ARFGAP3: variants seen among roughly 807,000 people sequenced by gnomAD.
The protein encoded by ARFGAP3 is ARF GTPase activating protein 3.
ARFGAP3 carries 72 observed loss-of-function variants against 75.0 expected under a neutral mutation model. That is an observed-to-expected ratio of 0.96 (90% CI 0.79 to 1.17). The LOEUF is 1.17. ARFGAP3 is among the 50% of genes most tolerant of loss of function. The probability of loss-of-function intolerance (pLI) is 0.00; values close to 1 mark genes in which losing one functional copy is unlikely to be tolerated. For missense variants in ARFGAP3, 620 were observed against 626.6 expected, an observed-to-expected ratio of 0.99 and a Z score of 0.11; for synonymous variants, 221 against 217.9, an observed-to-expected ratio of 1.01 and a Z score of -0.13.
At chr22:42,833,633 G>C (rs1268432909) in intron 5 of ARFGAP3, among the ~76,000 whole-genome samples, 1 of 152,188 alleles carries the variant, frequency 6.6e-6, no homozygotes, top group African/African-American at 2.4e-5. Context: ...GCGTGCACCT[G>C]TTGTCCCAGC....
intron 2 of ARFGAP3, among the ~76,000 whole-genome samples, chr22:42,845,038 C>T (rs1274051173): frequency 6.6e-6 from 1 of 152,098 alleles, no homozygotes; most frequent in African/African-American, 2.4e-5. Flanking sequence ...CCTGGAATGG[C>T]TTAAACTGGA....
At chr22:42,803,900 CTTTTTTTT>C (rs11289963) in intron 14 of ARFGAP3, among the ~76,000 whole-genome samples, 1 of 119,696 alleles carries the variant, frequency 8.4e-6, no homozygotes, top group African/African-American at 3.6e-5. Flanking sequence ...CCTCCTTCCT[CTTTTTTTT>C]TTTTTTTTTT....
At chr22:42,846,710 G>A (rs989461507) in intron 2 of ARFGAP3, among the ~76,000 whole-genome samples, 12 of 152,202 alleles carry the variant, frequency 7.9e-5, no homozygotes, top group African/African-American at 2.9e-4. Context: ...CTGATACAAG[G>A]AGAGTGTCTC....
At chr22:42,839,435 C>T (rs1229097947) in intron 3 of ARFGAP3, among the ~76,000 whole-genome samples, 1 of 151,624 alleles carries the variant, frequency 6.6e-6, no homozygotes, top group Non-Finnish European at 1.5e-5. Flanking sequence ...CTCGTCTCTA[C>T]TAAAAATACC....
chr22:42,811,885 A>G (rs2146535508), intron 11 of ARFGAP3, among the ~76,000 whole-genome samples: 1 of 152,194 alleles, frequency 6.6e-6, no homozygotes, highest in African/African-American at 2.4e-5. Flanking sequence ...AGAAAAAGTG[A>G]CCATCAACCA....
chr22:42,847,042 C>T (rs1927051599), intron 2 of ARFGAP3, among the ~76,000 whole-genome samples: 1 of 152,228 alleles, frequency 6.6e-6, no homozygotes, highest in Admixed American at 6.5e-5. Context: ...TCAGGTCTCT[C>T]CTCCTTTTCC....
intron 3 of ARFGAP3, among the ~76,000 whole-genome samples, chr22:42,838,966 T>C (rs555581884): frequency 5.3e-5 from 8 of 151,162 alleles, no homozygotes; most frequent in Admixed American, 1.3e-4. Flanking sequence ...AAAAATTAGC[T>C]GGGTGTGGTG....
rs1227219668 is a variant in ARFGAP3, at chr22:42,842,239, A to G, written c.189-1223T>C. ...AGGTTGGTCTCAAACTCCCGACCTT[A>G]GGTGATCCACCCACCTTGGCCTCCC... On this transcript the variant is annotated intron_variant, in intron 2 of 15. Coordinates refer to ENST00000263245, the MANE Select transcript of ARFGAP3 (RefSeq NM_014570.5). Among the ~76,000 whole-genome samples the G allele has an allele frequency of 1.3e-5, 2 of 149,432 alleles. 1 individual carries two copies. Among genetic ancestry groups the G allele is most frequent in the South Asian group, 4.3e-4 (2 of 4,692 alleles).
At position 42,836,197 on chromosome 22, in the gene ARFGAP3, G is replaced by C. The variant is rs186411678; in HGVS notation, c.262-704C>G. Among the ~76,000 whole-genome samples the C allele has an allele frequency of 4.6e-5, 7 of 152,100 alleles. No individual in the cohort carries two copies. The East Asian group carries it at 1.4e-3, about 29-fold the overall frequency. ...GGGGTCTTGTTATGTTGCTAGTCTT[G>C]AACTCCTGAGCTCAAGGAATCCACT... On this transcript the variant is annotated intron_variant, in intron 3 of 15. Coordinates refer to ENST00000263245, the MANE Select transcript of ARFGAP3 (RefSeq NM_014570.5).
At chr22:42,847,274 C>T in intron 2 of ARFGAP3, 1 of 381,362 alleles carries the variant, frequency 2.6e-6, no homozygotes, top group African/African-American at 2.1e-5. Context: ...TTAAGTGATC[C>T]TCCCACTTCA....
At chr22:42,833,892 G>T (rs898792178) in intron 5 of ARFGAP3, among the ~76,000 whole-genome samples, 5 of 152,154 alleles carry the variant, frequency 3.3e-5, no homozygotes, top group African/African-American at 4.8e-5. Flanking sequence ...CTCCAGCCTG[G>T]GAAACAGAGC....
chr22:42,836,618 G>A (rs951149339), intron 3 of ARFGAP3, among the ~76,000 whole-genome samples: 1 of 152,078 alleles, frequency 6.6e-6, no homozygotes, highest in Non-Finnish European at 1.5e-5. Context: ...ACTTCATGAG[G>A]ATCCATGTAT....
chr22:42,833,433 G>A (rs149791963), intron 5 of ARFGAP3, among the ~76,000 whole-genome samples: 11 of 152,282 alleles, frequency 7.2e-5, no homozygotes, highest in African/African-American at 2.2e-4. Flanking sequence ...AGGGATGGGA[G>A]CTCCCTCCAG....
At chr22:42,844,457 C>T (rs1290963230) in intron 2 of ARFGAP3, among the ~76,000 whole-genome samples, 1 of 152,008 alleles carries the variant, frequency 6.6e-6, no homozygotes, top group African/African-American at 2.4e-5. Context: ...TGGTGGCACA[C>T]ACCTGTAATC....
At chr22:42,831,286 C>CA (rs560803857) in intron 6 of ARFGAP3, among the ~76,000 whole-genome samples, 2,347 of 72,396 alleles carry the variant, frequency 0.032, 59 homozygotes, top group Admixed American at 0.11. Context: ...GACTTAGTCT[C>CA]AAAAAAAAAA....
At position 42,842,975 on chromosome 22, in the gene ARFGAP3, G is replaced by A. The variant is rs536890569; in HGVS notation, c.189-1959C>T. 1.2e-4 allele frequency among the ~76,000 whole-genome samples: 19 copies of A among 152,102 alleles called. No homozygotes were observed. In the East Asian group the frequency reaches 3.7e-3, roughly 29 times the overall value. On this transcript the variant is annotated intron_variant, in intron 2 of 15. Transcript: ENST00000263245. ...GCTCGCTCCTGCCAACACCCTGTAC[G>A]GCAGGTCCTAGTATTCTCACCCTCA...
intron 11 of ARFGAP3, among the ~76,000 whole-genome samples, chr22:42,815,270 C>T (rs1027160236): frequency 6.6e-6 from 1 of 152,198 alleles, no homozygotes; most frequent in African/African-American, 2.4e-5. Flanking sequence ...AATCTATTTA[C>T]ATACCTTTAA....
intron 6 of ARFGAP3, among the ~76,000 whole-genome samples, chr22:42,831,106 C>T (rs1926263337): frequency 6.6e-6 from 1 of 151,922 alleles, no homozygotes; most frequent in African/African-American, 2.4e-5. Context: ...TCGAGATCAG[C>T]ATGGCCAACA....
In ARFGAP3 at chr22:42,797,494, G is replaced by C; in HGVS notation, c.*94C>G. ...ATATGAAAAAGTAGCAAAACAATCT[G>C]CAAAACTATCTGGACTTCACTGCCG... On this transcript the variant is annotated 3_prime_UTR_variant, in exon 16 of 16. Coordinates refer to ENST00000263245, the MANE Select transcript of ARFGAP3 (RefSeq NM_014570.5). 6.6e-7 allele frequency: 1 copy of C among 1,516,854 alleles called. No homozygotes were observed. Among genetic ancestry groups the C allele is most frequent in the Non-Finnish European group, 9.1e-7 (1 of 1,095,854 alleles). 94.0% of individuals were successfully genotyped at this position (1,516,854 alleles called of 1,614,324 possible).
Sources: allele counts gnomAD v4.1 joint callset (sites outside exome capture counted in the v4.1 genomes callset), GRCh38; gene constraint gnomAD v4.1.1; transcripts MANE v1.5; gene names NCBI Gene and HGNC (gene_info 2026-07-23, HGNC 2026-07-21).